The following ABL2 variants were observed in gnomAD, a reference collection of about 807,000 sequenced individuals.
ABL2 encodes tyrosine-protein kinase ABL2.
In ABL2, 49 loss-of-function variants were observed where a neutral mutation model predicts 107.7. That is an observed-to-expected ratio of 0.45 (90% CI 0.36 to 0.58). ABL2 has a LOEUF of 0.58. Among genes scored for constraint, ABL2 ranks in the 20% least tolerant of loss-of-function variants. ABL2 has a pLI of 0.00. For missense variants in ABL2, 1,245 were observed against 1,457.0 expected (o/e 0.85, Z 2.37); for synonymous variants, 549 against 548.6 (o/e 1.00, Z -0.01).
intron 1 of ABL2, among the ~76,000 whole-genome samples, chr1:179,187,410 T>C (rs1246657533): frequency 6.6e-6 from 1 of 152,180 alleles, no homozygotes; most frequent in African/African-American, 2.4e-5. Flanking sequence ...ACCAAAGAAG[T>C]TTCAAATTCA....
At chr1:179,225,474 T>C (rs1373571145) in intron 1 of ABL2, among the ~76,000 whole-genome samples, 1 of 152,244 alleles carries the variant, frequency 6.6e-6, no homozygotes, top group Non-Finnish European at 1.5e-5. Context: ...ATACATCCAC[T>C]GAGAAGCTTT....
At chr1:179,179,922 G>A (rs945266578) in intron 1 of ABL2, among the ~76,000 whole-genome samples, 7 of 149,188 alleles carry the variant, frequency 4.7e-5, no homozygotes, top group Non-Finnish European at 8.9e-5. Context: ...ACAACATGGC[G>A]AAACCCTGTC....
chr1:179,194,029 G>T (rs1249243995), intron 1 of ABL2, among the ~76,000 whole-genome samples: 1 of 152,132 alleles, frequency 6.6e-6, no homozygotes, highest in Non-Finnish European at 1.5e-5. Flanking sequence ...TCCCCTAGTG[G>T]ACTGGTGAGG....
At chr1:179,198,084 G>A (rs947885631) in intron 1 of ABL2, among the ~76,000 whole-genome samples, 5 of 148,974 alleles carry the variant, frequency 3.4e-5, no homozygotes, top group East Asian at 2.0e-4. Context: ...GAAGTGCGAC[G>A]GTCCCCTGAG....
In ABL2 at chr1:179,229,676, C is replaced by G. The variant is rs1341921527; in HGVS notation, c.-279G>C. On this transcript the variant is annotated 5_prime_UTR_variant, in exon 1 of 12. Coordinates refer to ENST00000502732, the MANE Select transcript of ABL2 (RefSeq NM_007314.4). ...CGCCACCGCCGCCGCCATCTTTAAA[C>G]CACCGAGCGCTGGGAAAGCGTGGGA... 4.6e-6 allele frequency: 2 copies of G among 431,962 alleles called. No homozygotes were observed. The highest frequency in any genetic ancestry group is 8.0e-6 in the Non-Finnish European group (2 of 250,114). 26.8% of individuals were successfully genotyped at this position (431,962 alleles called of 1,614,324 possible). A position where few individuals can be genotyped will look rare whatever the true frequency, so the allele number is the denominator to read the frequency against.
intron 1 of ABL2, among the ~76,000 whole-genome samples, chr1:179,218,040 CAG>C (rs1662671599): frequency 6.6e-6 from 1 of 152,116 alleles, no homozygotes; most frequent in Non-Finnish European, 1.5e-5. Flanking sequence ...AAAGAAAAAA[CAG>C]ATATTGAGTA....
At chr1:179,131,603 T>A in intron 2 of ABL2, 122 bp from the exon 3 acceptor site, 3 of 925,772 alleles carry the variant, frequency 3.2e-6, no homozygotes, top group Non-Finnish European at 4.8e-6. Flanking sequence ...CTGTACAGTA[T>A]AAAGTGTTAT....
intron 5 of ABL2, 114 bp from the exon 6 acceptor site, chr1:179,120,388 T>C (rs1380492640): frequency 3.9e-6 from 2 of 518,214 alleles, no homozygotes; most frequent in East Asian, 6.4e-5. Context: ...AAAAACTATC[T>C]TTTGAATATT....
At chr1:179,112,851 T>C (rs1334955267) in intron 9 of ABL2, among the ~76,000 whole-genome samples, 1 of 151,770 alleles carries the variant, frequency 6.6e-6, no homozygotes, top group Middle Eastern at 3.2e-3. Context: ...GCCTCCTGGG[T>C]TCAAGTGATT....
At position 179,229,309 on chromosome 1, in the gene ABL2, G is replaced by A; in HGVS notation, c.89C>T (p.Pro30Leu). ...RGIRGSSAAR[P>L]SGRRRDPAGR... Reference sequence around the variant, plus strand: ...CGCCGGGTCCCGCCTGCGGCCGGAGGGCCTGGCTGCACTGCTGCCCCGGAT... The same window carrying A: ...CGCCGGGTCCCGCCTGCGGCCGGAGAGCCTGGCTGCACTGCTGCCCCGGAT... The change falls in exon 1 of 12, where the codon CCC becomes CTC. Residue 30 changes from proline (P) to leucine (L), a missense_variant. Physicochemically the swap from Pro to Leu is moderately conservative, Grantham distance 98 (BLOSUM62 -3). Around this residue, in one of 3 missense-constraint regions of ABL2, gnomAD observed 164 missense variants for 143.7 expected, o/e 1.14. Coordinates refer to ENST00000502732, the MANE Select transcript of ABL2 (RefSeq NM_007314.4). 6.3e-7 allele frequency: 1 copy of A among 1,583,660 alleles called. No homozygotes were observed. The highest frequency in any genetic ancestry group is 8.6e-7 in the Non-Finnish European group (1 of 1,167,284).
Position 179,132,500 on chromosome 1 carries a change from C to T in ABL2, c.220+812G>A, listed in dbSNP as rs1240430747. 2.0e-5 allele frequency among the ~76,000 whole-genome samples: 3 copies of T among 151,948 alleles called. No homozygotes were observed. The East Asian group carries it at 5.8e-4, about 29-fold the overall frequency. ...GTCATATAACAACACTTTTATGTCT[C>T]TCTTCCTCCACTTATGATTATTATG... On this transcript the variant is annotated intron_variant, in intron 2 of 11. Coordinates refer to ENST00000502732, the MANE Select transcript of ABL2 (RefSeq NM_007314.4).
chr1:179,191,451 G>A (rs1019986334), intron 1 of ABL2, among the ~76,000 whole-genome samples: 5 of 98,144 alleles, frequency 5.1e-5, no homozygotes, highest in South Asian at 6.2e-4. Context: ...ACGGAGTTTC[G>A]CTCTTATTGC....
At chr1:179,229,208 C>G (rs1663404815) in intron 1 of ABL2, 33 bp downstream of exon 1, 5 of 1,488,058 alleles carry the variant, frequency 3.4e-6, no homozygotes, top group Non-Finnish European at 4.5e-6. Flanking sequence ...CGGCCTCCCC[C>G]ACGCTCTCAT....
chr1:179,138,137 C>G (rs193055820), intron 1 of ABL2, among the ~76,000 whole-genome samples: 5 of 152,308 alleles, frequency 3.3e-5, no homozygotes, highest in Admixed American at 3.3e-4. Flanking sequence ...AAACCTGCCC[C>G]CTGCCTGGAT....
intron 1 of ABL2, among the ~76,000 whole-genome samples, chr1:179,173,916 T>A (rs374478325): frequency 6.6e-6 from 1 of 150,472 alleles, no homozygotes; most frequent in Non-Finnish European, 1.5e-5. Flanking sequence ...AACATAAAAA[T>A]TTTTTAAAGG....
intron 1 of ABL2, among the ~76,000 whole-genome samples, chr1:179,190,334 C>T (rs1438268322): frequency 6.6e-6 from 1 of 152,034 alleles, no homozygotes; most frequent in Non-Finnish European, 1.5e-5. Context: ...CATACGTTTA[C>T]TTATTTATTA....
At position 179,110,352 on chromosome 1, in the gene ABL2, C is replaced by T. The variant is rs1403514509; in HGVS notation, c.1755G>A (p.Gln585=). The T allele has an allele frequency of 1.2e-6, 2 of 1,614,240 alleles. No homozygotes were observed. Among genetic ancestry groups the T allele is most frequent in the Non-Finnish European group, 1.7e-6 (2 of 1,180,050 alleles). ...LPSKTRTLKK[Q]VENKENIEGA... ...CTTCAATGTTCTCCTTGTTCTCCAC[C>T]TGTTTCTTCAGTGTCCGAGTCTTGG... Residue 585 remains glutamine (Q), a synonymous_variant, in exon 11 of 12, where the codon CAG becomes CAA. Coordinates refer to ENST00000502732, the MANE Select transcript of ABL2 (RefSeq NM_007314.4).
Position 179,108,327 on chromosome 1 carries a change from T to C in ABL2, c.2940A>G (p.Pro980=), listed in dbSNP as rs1397562005. 1.9e-6 allele frequency: 3 copies of C among 1,614,058 alleles called. No individual in the cohort carries two copies. Among genetic ancestry groups the C allele is most frequent in the African/African-American group, 2.7e-5 (2 of 74,922 alleles). Residue 980 remains proline, a synonymous_variant, in exon 12 of 12, where the codon CCA becomes CCG. Coordinates refer to ENST00000502732, the MANE Select transcript of ABL2 (RefSeq NM_007314.4). ...GDKDRPRRVK[P]KCAPPPPPVM... is the part of the protein sequence containing the mutation. Reference sequence around the variant, plus strand: ...CTGGTGGTGGGGGTGGGGCACACTTTGGTTTTACCCGTCGGGGTCGGTCCT... The same window carrying C: ...CTGGTGGTGGGGGTGGGGCACACTTCGGTTTTACCCGTCGGGGTCGGTCCT...
chr1:179,182,142 C>T (rs1347640758), intron 1 of ABL2, among the ~76,000 whole-genome samples: 1 of 151,898 alleles, frequency 6.6e-6, no homozygotes, highest in African/African-American at 2.4e-5. Flanking sequence ...GTGAAGTCCT[C>T]TCTTCCCTCC....
Sources: allele counts gnomAD v4.1 joint callset (sites outside exome capture counted in the v4.1 genomes callset), GRCh38; gene constraint gnomAD v4.1.1; regional missense constraint gnomAD v4.1.1; transcripts MANE v1.5; gene names NCBI Gene and HGNC (gene_info 2026-07-23, HGNC 2026-07-21).